Variants in GRM7 observed in about 807,000 individuals in gnomAD.
GRM7 encodes the protein metabotropic glutamate receptor 7.
Under a neutral mutation model 84.5 loss-of-function variants are expected in GRM7, and 35 were observed. That is an observed-to-expected ratio of 0.41 (90% CI 0.32 to 0.55). The LOEUF is 0.55. Among genes scored for constraint, GRM7 ranks in the 20% least tolerant of loss-of-function variants. The probability of loss-of-function intolerance (pLI) is 0.19; values close to 1 mark genes in which losing one functional copy is unlikely to be tolerated. For missense variants in GRM7, 1,003 were observed against 1,194.6 expected, an observed-to-expected ratio of 0.84 and a Z score of 2.36; for synonymous variants, 487 against 455.1, an observed-to-expected ratio of 1.07 and a Z score of -0.89.
chr3:7,469,638 G>C (rs779711), intron 7 of GRM7, among the ~76,000 whole-genome samples: 2 of 151,662 alleles, frequency 1.3e-5, no homozygotes, highest in African/African-American at 2.4e-5. Context: ...ACTTAGGATT[G>C]GGTCTCTAAT....
intron 7 of GRM7, among the ~76,000 whole-genome samples, chr3:7,488,212 T>C (rs900941712): frequency 1.3e-5 from 2 of 152,192 alleles, no homozygotes; most frequent in Non-Finnish European, 2.9e-5. Flanking sequence ...GGCCCACACC[T>C]GGACTTTGGA....
At chr3:7,098,162 C>T (rs1698922950) in intron 1 of GRM7, among the ~76,000 whole-genome samples, 1 of 152,038 alleles carries the variant, frequency 6.6e-6, no homozygotes, top group African/African-American at 2.4e-5. Flanking sequence ...GTCTTCTGAT[C>T]ATTCAACTTT....
At chr3:7,525,789 T>C (rs952262033) in intron 7 of GRM7, among the ~76,000 whole-genome samples, 1 of 152,166 alleles carries the variant, frequency 6.6e-6, no homozygotes, top group South Asian at 2.1e-4. Flanking sequence ...CTCTCACTTA[T>C]AAGTGAGAAC....
chr3:7,631,505 T>C (rs1697859152), intron 8 of GRM7, among the ~76,000 whole-genome samples: 1 of 152,166 alleles, frequency 6.6e-6, no homozygotes, highest in Non-Finnish European at 1.5e-5. Flanking sequence ...GTAGATTCTT[T>C]TCTAGGTTCT....
At chr3:7,178,259 A>G (rs1356282678) in intron 2 of GRM7, among the ~76,000 whole-genome samples, 6 of 152,240 alleles carry the variant, frequency 3.9e-5, no homozygotes, top group Non-Finnish European at 8.8e-5. Context: ...GACATAACAT[A>G]TGAGATAAAA....
At chr3:7,330,897 T>C (rs1393426898) in intron 4 of GRM7, among the ~76,000 whole-genome samples, 2 of 152,144 alleles carry the variant, frequency 1.3e-5, no homozygotes, top group Non-Finnish European at 2.9e-5. Flanking sequence ...TTCTCTTTAT[T>C]TTCATAGGGC....
At chr3:7,663,829 T>C (rs1160801661) in intron 8 of GRM7, among the ~76,000 whole-genome samples, 1 of 152,228 alleles carries the variant, frequency 6.6e-6, no homozygotes, top group Non-Finnish European at 1.5e-5. Context: ...ACAGCCTTTA[T>C]ACGAATTCCC....
intron 4 of GRM7, among the ~76,000 whole-genome samples, chr3:7,332,860 TGG>T (rs1701262299): frequency 7.1e-6 from 1 of 140,514 alleles, no homozygotes; most frequent in African/African-American, 3.0e-5. Flanking sequence ...CCCTACTGGA[TGG>T]ATGGTTTTTT....
At chr3:7,683,357 A>G (rs958901966) in intron 9 of GRM7, among the ~76,000 whole-genome samples, 1 of 152,228 alleles carries the variant, frequency 6.6e-6, no homozygotes, top group African/African-American at 2.4e-5. Context: ...TAGTGTCTAC[A>G]TAGAGCCAAG....
At chr3:7,397,161 A>T (rs1246675533) in intron 4 of GRM7, among the ~76,000 whole-genome samples, 1 of 152,298 alleles carries the variant, frequency 6.6e-6, no homozygotes, top group South Asian at 2.1e-4. Flanking sequence ...AACTAAATAA[A>T]CAAAACAAGA....
intron 1 of GRM7, among the ~76,000 whole-genome samples, chr3:7,040,610 A>G (rs1166841018): frequency 1.3e-5 from 2 of 151,852 alleles, no homozygotes; most frequent in Admixed American, 6.6e-5. Context: ...GCCTGTCTCT[A>G]TAAACTCTTA....
At chr3:6,891,064 T>G (rs1574976273) in intron 1 of GRM7, among the ~76,000 whole-genome samples, 1 of 152,328 alleles carries the variant, frequency 6.6e-6, no homozygotes, top group East Asian at 1.9e-4. Flanking sequence ...CCCCTGCCAT[T>G]TTTTGTTTTC....
chr3:7,454,650 GAA>G (rs1471887912), intron 6 of GRM7, among the ~76,000 whole-genome samples: 1 of 151,924 alleles, frequency 6.6e-6, no homozygotes, highest in Non-Finnish European at 1.5e-5. Context: ...ATGGGACTGA[GAA>G]AATAATTATA....
intron 1 of GRM7, among the ~76,000 whole-genome samples, chr3:7,016,416 G>T (rs944688944): frequency 6.6e-6 from 1 of 152,158 alleles, no homozygotes; most frequent in Non-Finnish European, 1.5e-5. Context: ...CTAGAGAGGT[G>T]ATGTAGCTGC....
At position 6,861,946 on chromosome 3, in the gene GRM7, C is replaced by T. The variant is rs1239989931; in HGVS notation, c.519+39C>T. ...CCCTCCGGGGCGGAGCACACAGTGGCTACCTGCGCCCTTAACCCTAAAAGC... is the reference window on the plus strand; with the variant it reads ...CCCTCCGGGGCGGAGCACACAGTGGTTACCTGCGCCCTTAACCCTAAAAGC... On this transcript the variant is annotated intron_variant, in intron 1 of 9. Coordinates refer to ENST00000357716, the MANE Select transcript of GRM7 (RefSeq NM_000844.4). This position sits in a 1 kb window ranked among gnomAD's most constrained non-coding sequence, Gnocchi z 6.4. The T allele has an allele frequency of 3.9e-6, 6 of 1,539,536 alleles. No homozygotes were observed. The East Asian group carries it at 6.8e-5, about 17-fold the overall frequency.
chr3:7,359,419 C>A (rs1365541650), intron 4 of GRM7, among the ~76,000 whole-genome samples: 1 of 141,940 alleles, frequency 7.0e-6, no homozygotes, highest in Non-Finnish European at 1.5e-5. Flanking sequence ...ACTGCAACCT[C>A]CGTCTTCTGG....
chr3:7,387,441 T>C (rs752813620), intron 4 of GRM7, among the ~76,000 whole-genome samples: 2 of 152,262 alleles, frequency 1.3e-5, no homozygotes, highest in Middle Eastern at 3.2e-3. Flanking sequence ...TTTAAGTCTT[T>C]AATTCATCTT....
chr3:7,349,287 G>A (rs886937463), intron 4 of GRM7, among the ~76,000 whole-genome samples: 1 of 152,042 alleles, frequency 6.6e-6, no homozygotes, highest in African/African-American at 2.4e-5. Flanking sequence ...TTAAGAGACT[G>A]GCCACTGCAA....
At chr3:7,686,010 T>TG (rs1192653658) in intron 9 of GRM7, among the ~76,000 whole-genome samples, 5 of 152,144 alleles carry the variant, frequency 3.3e-5, no homozygotes, top group Non-Finnish European at 7.4e-5. Context: ...CCACACAGGC[T>TG]GGACAGCATG....
Sources: gnomAD v4.1 joint callset for allele counts (sites outside exome capture counted in the v4.1 genomes callset) on GRCh38, gnomAD v4.1.1 for gene constraint, Gnocchi (gnomAD v3.1) non-coding constraint, MANE v1.5 for transcripts, NCBI Gene and HGNC (gene_info 2026-07-23, HGNC 2026-07-21) for gene names.